The following PRUNE2 variants were observed in gnomAD, a reference collection of about 807,000 sequenced individuals.
PRUNE2 encodes prune homolog 2 with BCH domain, also known as protein prune homolog 2.
A neutral mutation model predicts 252.0 loss-of-function variants in PRUNE2; 164 were observed. The observed-to-expected ratio is 0.65, with a 90% CI of 0.57 to 0.74. PRUNE2 has a LOEUF of 0.74. PRUNE2 is among the 30% of genes least tolerant of loss of function. PRUNE2 has a pLI of 0.00. For synonymous variants in PRUNE2, 1,292 were observed against 1,350.2 expected (o/e 0.96, Z 0.94); for missense variants, 3,495 against 3,711.0 (o/e 0.94, Z 1.51).
rs539023382 is a variant in PRUNE2, at chr9:76,879,094, A to G, written c.37-24886T>C. ...TCCAAAGTGTGTTCCAGTGAGCACTAGTAAACAGTTTGAAAGATATTGAGT... is the reference window on the plus strand; with the variant it reads ...TCCAAAGTGTGTTCCAGTGAGCACTGGTAAACAGTTTGAAAGATATTGAGT... On this transcript the variant is annotated intron_variant, in intron 1 of 18. Transcript: ENST00000376718. Among the ~76,000 whole-genome samples, 3 of 152,346 alleles carry G rather than the reference A, an allele frequency of 2.0e-5. No homozygotes were observed. The South Asian group carries it at 6.2e-4, about 32-fold the overall frequency.
At chr9:76,691,688 A>G (rs1249351894) in intron 9 of PRUNE2, among the ~76,000 whole-genome samples, 2 of 152,182 alleles carry the variant, frequency 1.3e-5, no homozygotes, top group East Asian at 1.9e-4. Context: ...AAGAGACATT[A>G]TATTTCTCAT....
intron 3 of PRUNE2, among the ~76,000 whole-genome samples, chr9:76,848,608 G>T (rs1433072370): frequency 2.6e-5 from 4 of 152,200 alleles, no homozygotes; most frequent in African/African-American, 9.6e-5. Context: ...CACTGGTTAA[G>T]GTTATCAACA....
rs371282087 is a variant in PRUNE2, at chr9:76,873,226, T to G, written c.37-19018A>C. Reference sequence around the variant, plus strand: ...TTTAAGCCACTCCATTTTTGGTGGTTTGTTATATCAGCCCTAGAAAACTAG... The same window carrying G: ...TTTAAGCCACTCCATTTTTGGTGGTGTGTTATATCAGCCCTAGAAAACTAG... On this transcript the variant is annotated intron_variant, in intron 1 of 18. Coordinates refer to ENST00000376718, the MANE Select transcript of PRUNE2 (RefSeq NM_015225.3). Among the ~76,000 whole-genome samples, 9 of 152,280 alleles carry G rather than the reference T, an allele frequency of 5.9e-5. No homozygotes were observed. The South Asian group carries it at 1.9e-3, about 32-fold the overall frequency.
intron 6 of PRUNE2, among the ~76,000 whole-genome samples, chr9:76,722,647 T>G (rs1477101234): frequency 6.6e-6 from 1 of 152,234 alleles, no homozygotes; most frequent in African/African-American, 2.4e-5. Context: ...AAGTATTGCC[T>G]CTGCATTAAG....
chr9:76,612,331 G>C lies in PRUNE2; in HGVS notation c.*2239C>G, dbSNP rs1467255795. ...ATATAAATGGTGAGATTGTTGCTGT[G>C]TCTGTTTGGCTATAACAAGAGCCCT... is the stretch of plus-strand genomic sequence containing the variant. On this transcript the variant is annotated 3_prime_UTR_variant, in exon 19 of 19. Transcript: ENST00000376718. The C allele has an allele frequency of 6.6e-6, 1 of 152,118 alleles. No individual in the cohort carries two copies. Among genetic ancestry groups the C allele is most frequent in the Non-Finnish European group, 1.5e-5 (1 of 68,030 alleles). The allele number at this position is 152,118 out of a possible 1,614,324, so 9.4% of individuals were successfully genotyped here.
Position 76,703,965 on chromosome 9 carries a change from A to G in PRUNE2, c.7648T>C (p.Tyr2550His). 1 of 1,613,968 alleles carries G rather than the reference A, an allele frequency of 6.2e-7. No homozygotes were observed. Among genetic ancestry groups the G allele is most frequent in the South Asian group, 1.1e-5 (1 of 91,084 alleles). The change falls in exon 9 of 19, where the codon TAC becomes CAC. Residue 2550 changes from tyrosine to histidine, a missense_variant. Physicochemically the swap from Tyr to His is moderately conservative, Grantham distance 83. Transcript: ENST00000376718. ...NEDRHALHMD[Y>H]ILVNREENSH... Reference sequence around the variant, plus strand: ...TTTTCTTCACGGTTTACAAGTATGTAATCCATGTGTAGTGCATGACGATCT... The same window carrying G: ...TTTTCTTCACGGTTTACAAGTATGTGATCCATGTGTAGTGCATGACGATCT...
intron 9 of PRUNE2, among the ~76,000 whole-genome samples, chr9:76,677,374 C>A (rs1409976322): frequency 1.3e-5 from 2 of 152,162 alleles, no homozygotes; most frequent in African/African-American, 4.8e-5. Flanking sequence ...ACTTCGAAAG[C>A]CTTTATACTT....
intron 5 of PRUNE2, among the ~76,000 whole-genome samples, chr9:76,825,005 C>T (rs914196717): frequency 1.3e-5 from 2 of 152,070 alleles, no homozygotes; most frequent in African/African-American, 2.4e-5. Flanking sequence ...GTGCAATGGA[C>T]GCTGCAAAGG....
chr9:76,682,219 A>T (rs899122472), intron 9 of PRUNE2, among the ~76,000 whole-genome samples: 2 of 151,938 alleles, frequency 1.3e-5, no homozygotes, highest in East Asian at 1.9e-4. Context: ...AAAAACTTTT[A>T]AAAAGTCTTA....
chr9:76,628,066 C>A (rs1373305992), intron 16 of PRUNE2, among the ~76,000 whole-genome samples: 1 of 152,044 alleles, frequency 6.6e-6, no homozygotes, highest in Non-Finnish European at 1.5e-5. Context: ...ATGATACTTG[C>A]CTGTTTTCTT....
At chr9:76,816,064 A>C (rs1322115098) in intron 6 of PRUNE2, among the ~76,000 whole-genome samples, 1 of 151,084 alleles carries the variant, frequency 6.6e-6, no homozygotes, top group Non-Finnish European at 1.5e-5. Context: ...CAGGAGGCTG[A>C]GGCAGGAGAA....
intron 11 of PRUNE2, among the ~76,000 whole-genome samples, chr9:76,650,901 G>A (rs372225509): frequency 7.2e-5 from 11 of 152,276 alleles, no homozygotes; most frequent in African/African-American, 2.4e-4. Context: ...AGCAAATACG[G>A]AGGCAAGAGA....
intron 6 of PRUNE2, chr9:76,784,757 C>T (rs554362159): frequency 6.6e-6 from 1 of 152,300 alleles, no homozygotes; most frequent in East Asian, 1.9e-4. Flanking sequence ...CAAGATCTTT[C>T]CAGGGTTATA....
At chr9:76,903,619 G>A (rs190067925) in intron 1 of PRUNE2, among the ~76,000 whole-genome samples, 11 of 152,050 alleles carry the variant, frequency 7.2e-5, no homozygotes, top group East Asian at 1.9e-4. Context: ...ACTGAGTCTC[G>A]CTCTGTTGCC....
Position 76,611,561 on chromosome 9 carries a change from T to C in PRUNE2, c.*3009A>G, listed in dbSNP as rs2131725501. The C allele has an allele frequency of 6.6e-6, 1 of 152,508 alleles. No individual in the cohort carries two copies. Among genetic ancestry groups the C allele is most frequent in the East Asian group, 1.9e-4 (1 of 5,194 alleles). The allele number at this position is 152,508 out of a possible 1,614,324, so 9.4% of individuals were successfully genotyped here. A position where few individuals can be genotyped will look rare whatever the true frequency, so the allele number is the denominator to read the frequency against. ...AACCTTTAGATATATAAAAGATTAATTTGTGCACATCTAAATGTTTCTAAG... is the reference window on the plus strand; with the variant it reads ...AACCTTTAGATATATAAAAGATTAACTTGTGCACATCTAAATGTTTCTAAG... On this transcript the variant is annotated 3_prime_UTR_variant, in exon 19 of 19. Transcript: ENST00000376718.
intron 6 of PRUNE2, chr9:76,738,381 T>C (rs1445724809): frequency 6.6e-6 from 1 of 152,174 alleles, no homozygotes; most frequent in Non-Finnish European, 1.5e-5. Context: ...CAGGGCACCA[T>C]ACAAGGCTCC....
At chr9:76,816,989 T>C (rs900794445) in intron 6 of PRUNE2, among the ~76,000 whole-genome samples, 4 of 152,216 alleles carry the variant, frequency 2.6e-5, no homozygotes, top group African/African-American at 9.6e-5. Context: ...GCACCAATAA[T>C]TAGCTTCACA....
At chr9:76,763,759 A>T (rs567062036) in intron 6 of PRUNE2, among the ~76,000 whole-genome samples, 2 of 152,208 alleles carry the variant, frequency 1.3e-5, no homozygotes, top group East Asian at 3.9e-4. Flanking sequence ...ATGGAGAAGG[A>T]GAGGGGTAGT....
At chr9:76,792,288 G>A (rs1326563103) in intron 6 of PRUNE2, among the ~76,000 whole-genome samples, 2 of 152,164 alleles carry the variant, frequency 1.3e-5, no homozygotes, top group Non-Finnish European at 2.9e-5. Context: ...CACCATGTAA[G>A]ATGTGACTAT....
Sources: gnomAD v4.1 joint callset for allele counts (sites outside exome capture counted in the v4.1 genomes callset) on GRCh38, gnomAD v4.1.1 for gene constraint, MANE v1.5 for transcripts, NCBI Gene and HGNC (gene_info 2026-07-23, HGNC 2026-07-21) for gene names.